The following LRRFIP2 variants were observed in gnomAD, a reference collection of about 807,000 sequenced individuals.
LRRFIP2 encodes LRR binding FLII interacting protein 2, also known as leucine-rich repeat flightless-interacting protein 2.
In LRRFIP2, 109 loss-of-function variants were observed where a neutral mutation model predicts 125.9. That is an observed-to-expected ratio of 0.87 (90% confidence interval 0.74 to 1.01). The LOEUF is 1.01. Among genes scored for constraint, LRRFIP2 ranks in the 50% least tolerant of loss-of-function variants. The pLI, the probability that LRRFIP2 is intolerant of heterozygous loss-of-function variation, is 0.00. For missense variants in LRRFIP2, 850 were observed against 862.3 expected, an observed-to-expected ratio of 0.99 and a Z score of 0.18; for synonymous variants, 291 against 293.1, an observed-to-expected ratio of 0.99 and a Z score of 0.07.
intron 18 of LRRFIP2, among the ~76,000 whole-genome samples, chr3:37,085,873 C>A (rs528503856): frequency 6.6e-6 from 1 of 152,138 alleles, no homozygotes; most frequent in Non-Finnish European, 1.5e-5. Flanking sequence ...TGAGCCACTG[C>A]GCCTGGCCCA....
intron 23 of LRRFIP2, chr3:37,064,934 C>T (rs2089795110): frequency 6.6e-6 from 1 of 152,318 alleles, no homozygotes. Context: ...ATCTCTCTTG[C>T]TCACCCAGCA....
intron 25 of LRRFIP2, among the ~76,000 whole-genome samples, chr3:37,057,647 G>A (rs2087287444): frequency 6.6e-6 from 1 of 151,918 alleles, no homozygotes; most frequent in South Asian, 2.1e-4. Context: ...GATTATGGGT[G>A]CGGGCCACCA....
intron 18 of LRRFIP2, 33 bp downstream of exon 18, chr3:37,091,434 A>G: frequency 3.8e-6 from 6 of 1,563,678 alleles, no homozygotes; most frequent in Non-Finnish European, 5.2e-6. Flanking sequence ...CTGCATACAG[A>G]GCATGCTTGG....
intron 25 of LRRFIP2, 39 bp from the exon 26 acceptor site, chr3:37,055,204 A>ATCTCT: frequency 7.9e-7 from 1 of 1,259,128 alleles, no homozygotes; most frequent in Non-Finnish European, 1.1e-6. Context: ...TTCACCTGTC[A>ATCTCT]GAGATGACAG....
intron 7 of LRRFIP2, among the ~76,000 whole-genome samples, chr3:37,113,757 T>A (rs990066062): frequency 6.6e-6 from 1 of 152,168 alleles, no homozygotes; most frequent in Non-Finnish European, 1.5e-5. Context: ...AATTAGTGAA[T>A]CCACAGTATG....
intron 2 of LRRFIP2, among the ~76,000 whole-genome samples, chr3:37,144,150 G>A (rs2095797322): frequency 6.6e-6 from 1 of 152,214 alleles, no homozygotes; most frequent in Non-Finnish European, 1.5e-5. Context: ...GCCCCTCATA[G>A]CTACATCGAC....
chr3:37,140,851 G>C (rs2095679310), intron 2 of LRRFIP2, among the ~76,000 whole-genome samples: 1 of 151,856 alleles, frequency 6.6e-6, no homozygotes, highest in South Asian at 2.1e-4. Context: ...CAGTTGCTAA[G>C]TCTCAACTAC....
chr3:37,066,044 G>C (rs1234525185), intron 22 of LRRFIP2, 102 bp from the exon 23 acceptor site: 6 of 1,496,172 alleles, frequency 4.0e-6, no homozygotes, highest in Non-Finnish European at 5.5e-6. Context: ...GGTAAAACCT[G>C]GTTAGAATCA....
At position 37,144,446 on chromosome 3, in the gene LRRFIP2, G is replaced by A. The variant is rs189875848; in HGVS notation, c.90+4448C>T. ...TTGCCAAAATCTTTCTGTATTTAAT[G>A]TTTTTCAAAAACAAGCCAGGCATGG... is the stretch of plus-strand genomic sequence containing the variant. On this transcript the variant is annotated intron_variant, in intron 2 of 27. Transcript: ENST00000336686. Among the ~76,000 whole-genome samples, 46 of 152,204 alleles carry A rather than the reference G, an allele frequency of 3.0e-4. 2 individuals are homozygous for A. In the East Asian group the frequency reaches 5.4e-3, roughly 18 times the overall value.
chr3:37,124,503 G>A (rs118048137), intron 4 of LRRFIP2, among the ~76,000 whole-genome samples: 2 of 152,238 alleles, frequency 1.3e-5, no homozygotes, highest in East Asian at 3.9e-4. Context: ...ACAGACCCTG[G>A]TAGCAACGAT....
chr3:37,101,772 A>G (rs549307617), intron 15 of LRRFIP2, among the ~76,000 whole-genome samples: 6 of 152,234 alleles, frequency 3.9e-5, no homozygotes, highest in Admixed American at 1.3e-4. Flanking sequence ...GCCTTGGTCC[A>G]TGGGCAAAAC....
intron 13 of LRRFIP2, among the ~76,000 whole-genome samples, chr3:37,106,396 T>C (rs2094325647): frequency 6.6e-6 from 1 of 152,208 alleles, no homozygotes; most frequent in African/African-American, 2.4e-5. Context: ...ATGTGTAGTT[T>C]ATCTCCATTC....
intron 24 of LRRFIP2, 60 bp downstream of exon 24, chr3:37,063,682 C>G: frequency 8.4e-7 from 1 of 1,193,058 alleles, no homozygotes; most frequent in Non-Finnish European, 1.2e-6. Context: ...TTCAATTAGC[C>G]AGTATTTTAC....
At position 37,053,627 on chromosome 3, in the gene LRRFIP2, G is replaced by A; in HGVS notation, c.*224C>T. ...ATTACGGAGATAAAAAATAAAAACA[G>A]CATGGACTGGTTCTACCCTAGAATC... On this transcript the variant is annotated 3_prime_UTR_variant, in exon 28 of 28. Transcript: ENST00000336686. The A allele has an allele frequency of 2.0e-6, 1 of 509,920 alleles. No individual in the cohort carries two copies. The highest frequency in any genetic ancestry group is 2.6e-5 in the South Asian group (1 of 38,894). The allele number at this position is 509,920 out of a possible 1,614,324, so 31.6% of individuals were successfully genotyped here.
chr3:37,095,136 C>T (rs1176126479), intron 16 of LRRFIP2, among the ~76,000 whole-genome samples: 1 of 152,092 alleles, frequency 6.6e-6, no homozygotes, highest in Non-Finnish European at 1.5e-5. Context: ...TTATCAAAAT[C>T]TATAATTCGT....
chr3:37,153,778 C>A (rs1343938534), intron 1 of LRRFIP2, among the ~76,000 whole-genome samples: 1 of 151,822 alleles, frequency 6.6e-6, no homozygotes, highest in African/African-American at 2.4e-5. Context: ...AACTTCCTGT[C>A]TATCTTCCTT....
At chr3:37,173,035 T>TA (rs1439872832) in intron 1 of LRRFIP2, 2 of 151,584 alleles carry the variant, frequency 1.3e-5, no homozygotes, top group African/African-American at 4.9e-5. Flanking sequence ...TACTAAAAAA[T>TA]AAAAAATAAA....
intron 2 of LRRFIP2, among the ~76,000 whole-genome samples, chr3:37,144,609 C>T (rs1225351041): frequency 1.3e-5 from 2 of 152,168 alleles, no homozygotes; most frequent in Middle Eastern, 3.4e-3. Flanking sequence ...CAGTAGTACA[C>T]GAAAACACAC....
chr3:37,121,467 T>C, intron 6 of LRRFIP2, 25 bp downstream of exon 6: 1 of 1,607,764 alleles, frequency 6.2e-7, no homozygotes. Flanking sequence ...AGCTTTGTAT[T>C]GTGTAGACAA....
Sources: allele counts gnomAD v4.1 joint callset (sites outside exome capture counted in the v4.1 genomes callset), GRCh38; gene constraint gnomAD v4.1.1; transcripts MANE v1.5; gene names NCBI Gene and HGNC (gene_info 2026-07-23, HGNC 2026-07-21).